TRIT1: variants seen among roughly 807,000 people sequenced by gnomAD.
TRIT1 encodes tRNA dimethylallyltransferase.
Under a neutral mutation model 51.2 loss-of-function variants are expected in TRIT1, and 43 were observed. The observed-to-expected ratio is 0.84, with a 90% CI of 0.66 to 1.08. The LOEUF (loss-of-function observed/expected upper bound fraction) is 1.08. TRIT1 is among the 50% of genes least tolerant of loss of function. TRIT1 has a pLI of 0.00. For synonymous variants in TRIT1, 184 were observed against 203.9 expected, an observed-to-expected ratio of 0.90 and a Z score of 0.83; for missense variants, 528 against 578.4, an observed-to-expected ratio of 0.91 and a Z score of 0.89.
chr1:39,845,259 G>A (rs1642159603), intron 8 of TRIT1, among the ~76,000 whole-genome samples: 3 of 152,164 alleles, frequency 2.0e-5, no homozygotes, highest in Admixed American at 2.0e-4. Context: ...ACACTCCCTG[G>A]CAGACACTTT....
rs769323985 is a variant in TRIT1, at chr1:39,841,875, T to G, written c.1273A>C (p.Lys425Gln). 1.9e-6 allele frequency: 3 copies of G among 1,614,040 alleles called. No homozygotes were observed. The highest frequency in any genetic ancestry group is 3.3e-5 in the Admixed American group (2 of 59,986). Residue 425 changes from lysine to glutamine, a missense_variant, in exon 11 of 11, where the codon AAA becomes CAA. Transcript: ENST00000316891. Reference sequence around the variant, plus strand: ...GCATCTGAGTCCAATCTTCTTCTTTTCTTCAGTTGGTTCAAGTGGGATTTG... The same window carrying G: ...GCATCTGAGTCCAATCTTCTTCTTTGCTTCAGTTGGTTCAAGTGGGATTTG... The part of the protein sequence containing the change: ...KSKSHLNQLK[K>Q]RRRLDSDAVN...
chr1:39,871,559 A>G (rs1643884423), intron 1 of TRIT1, among the ~76,000 whole-genome samples: 1 of 152,226 alleles, frequency 6.6e-6, no homozygotes, highest in Non-Finnish European at 1.5e-5. Flanking sequence ...CACCCTGGGC[A>G]ACAGAATGAG....
chr1:39,849,469 T>C (rs1642433126), intron 5 of TRIT1, among the ~76,000 whole-genome samples: 1 of 152,138 alleles, frequency 6.6e-6, no homozygotes, highest in Non-Finnish European at 1.5e-5. Flanking sequence ...ATATTCGTCA[T>C]CCCTTCTCTG....
chr1:39,882,551 G>A (rs1248233367), intron 1 of TRIT1, among the ~76,000 whole-genome samples: 1 of 152,076 alleles, frequency 6.6e-6, no homozygotes, highest in African/African-American at 2.4e-5. Context: ...ACCCCTTCTG[G>A]GCCTCCCAGT....
intron 1 of TRIT1, among the ~76,000 whole-genome samples, chr1:39,877,019 CAAAAAAAAA>C (rs529375001): frequency 0.076 from 5,653 of 74,698 alleles, 183 homozygotes; most frequent in Admixed American, 0.13. Flanking sequence ...AATGGGTCTT[CAAAAAAAAA>C]AAAAAAAAAA....
chr1:39,849,387 C>T (rs1411541794), intron 5 of TRIT1, among the ~76,000 whole-genome samples: 6 of 152,168 alleles, frequency 3.9e-5, no homozygotes, highest in Admixed American at 3.9e-4. Flanking sequence ...TGTTTGTCCA[C>T]ATAATGATGT....
chr1:39,864,025 G>C (rs575857324), intron 1 of TRIT1, among the ~76,000 whole-genome samples: 3 of 152,078 alleles, frequency 2.0e-5, no homozygotes, highest in African/African-American at 7.2e-5. Flanking sequence ...CCAAGTAGCT[G>C]GGATTATAGG....
intron 3 of TRIT1, among the ~76,000 whole-genome samples, chr1:39,853,482 C>T (rs867025448): frequency 4.6e-5 from 7 of 152,028 alleles, no homozygotes; most frequent in African/African-American, 1.4e-4. Flanking sequence ...CTGCAACCTC[C>T]GCCTCAAGCC....
At chr1:39,874,804 T>C (rs1643995954) in intron 1 of TRIT1, among the ~76,000 whole-genome samples, 1 of 152,058 alleles carries the variant, frequency 6.6e-6, no homozygotes, top group African/African-American at 2.4e-5. Context: ...TAGCTGAGAT[T>C]ACAGGCATGC....
chr1:39,867,411 C>T (rs1421758781), intron 1 of TRIT1, among the ~76,000 whole-genome samples: 2 of 152,166 alleles, frequency 1.3e-5, no homozygotes, highest in Non-Finnish European at 2.9e-5. Context: ...TCCCAAAGTG[C>T]TGGGATTACA....
Position 39,850,154 on chromosome 1 carries a change from T to TTAG in TRIT1, c.665_667dup (p.Ser222_Asn223insThr). ...AGCATGAAGCCAAAGGATGCAAGGG[T>TTAG]TAGAGAACTTCAGAGGACCTCCAAG... On this transcript the variant is annotated inframe_insertion, in exon 5 of 11. Transcript: ENST00000316891. 6.2e-7 allele frequency: 1 copy of TTAG among 1,614,110 alleles called. No homozygotes were observed. The highest frequency in any genetic ancestry group is 8.5e-7 in the Non-Finnish European group (1 of 1,180,012).
chr1:39,868,137 G>A (rs771222454), intron 1 of TRIT1, among the ~76,000 whole-genome samples: 3 of 151,382 alleles, frequency 2.0e-5, no homozygotes, highest in South Asian at 2.1e-4. Context: ...TAGTAGAGAC[G>A]GGGTTTCACC....
At chr1:39,866,336 C>A (rs529124600) in intron 1 of TRIT1, among the ~76,000 whole-genome samples, 64 of 152,238 alleles carry the variant, frequency 4.2e-4, no homozygotes, top group Admixed American at 7.2e-4. Context: ...CCACGCCCAG[C>A]TAATTTCTTC....
intron 1 of TRIT1, among the ~76,000 whole-genome samples, chr1:39,867,763 C>A (rs371176695): frequency 6.6e-6 from 1 of 152,174 alleles, no homozygotes; most frequent in Non-Finnish European, 1.5e-5. Context: ...GAAGCAGAGA[C>A]AGGACTAATG....
In TRIT1 at chr1:39,847,257, C is replaced by T. The variant is rs1478063144; in HGVS notation, c.969G>A (p.Arg323=). ...GGTTTTTAACCCATCGGTTTTGTTTCCGGGCATATCTCTTAGTTACTTGTT... is the reference window on the plus strand; with the variant it reads ...GGTTTTTAACCCATCGGTTTTGTTTTCGGGCATATCTCTTAGTTACTTGTT... The part of the protein sequence containing the change: ...ALKQVTKRYA[R]KQNRWVKNRF... Residue 323 remains arginine, a synonymous_variant, in exon 8 of 11, where the codon CGG becomes CGA. Coordinates refer to ENST00000316891, the MANE Select transcript of TRIT1 (RefSeq NM_017646.6). The T allele has an allele frequency of 1.9e-6, 3 of 1,614,130 alleles. No individual in the cohort carries two copies. The highest frequency in any genetic ancestry group is 3.3e-5 in the Admixed American group (2 of 60,014).
intron 1 of TRIT1, among the ~76,000 whole-genome samples, chr1:39,858,227 A>G (rs1177382232): frequency 3.9e-5 from 6 of 152,240 alleles, no homozygotes; most frequent in African/African-American, 1.4e-4. Flanking sequence ...TAAGTTCCGT[A>G]GAGCCCACAA....
intron 1 of TRIT1, among the ~76,000 whole-genome samples, chr1:39,872,975 T>C (rs1643928624): frequency 1.3e-5 from 2 of 152,144 alleles, no homozygotes; most frequent in South Asian, 2.1e-4. Flanking sequence ...GACATCTGCA[T>C]AGCCTGAGGG....
intron 1 of TRIT1, among the ~76,000 whole-genome samples, chr1:39,876,396 G>A (rs1465754313): frequency 1.3e-5 from 2 of 152,044 alleles, no homozygotes; most frequent in Admixed American, 6.6e-5. Context: ...TGACTCCAAA[G>A]TTCTCCCTGT....
chr1:39,855,017 T>G (rs1387977472), intron 2 of TRIT1, among the ~76,000 whole-genome samples: 1 of 152,152 alleles, frequency 6.6e-6, no homozygotes, highest in Non-Finnish European at 1.5e-5. Context: ...CTGGCTAATT[T>G]TTGTATTTTT....
Sources: gnomAD v4.1 joint callset for allele counts (sites outside exome capture counted in the v4.1 genomes callset) on GRCh38, gnomAD v4.1.1 for gene constraint, MANE v1.5 for transcripts, NCBI Gene and HGNC (gene_info 2026-07-23, HGNC 2026-07-21) for gene names.